Variants in TRHDE observed in about 807,000 individuals in gnomAD.
TRHDE encodes the protein thyrotropin releasing hormone degrading enzyme, also known as thyrotropin-releasing hormone-degrading ectoenzyme.
Under a neutral mutation model 125.7 loss-of-function variants are expected in TRHDE, and 72 were observed. The observed-to-expected ratio is 0.57, with a 90% CI of 0.47 to 0.70. The LOEUF (loss-of-function observed/expected upper bound fraction) is 0.70, where lower values mean the gene tolerates loss of function less well. TRHDE is among the 30% of genes least tolerant of loss of function. The probability of loss-of-function intolerance (pLI) is 0.00; values close to 1 mark genes in which losing one functional copy is unlikely to be tolerated. For synonymous variants in TRHDE, 509 were observed against 509.1 expected, an observed-to-expected ratio of 1.00 and a Z score of 0.00; for missense variants, 1,110 against 1,327.1, an observed-to-expected ratio of 0.84 and a Z score of 2.54.
chr12:72,173,340 C>A (rs937474331), intron 2 of TRHDE, among the ~76,000 whole-genome samples: 2 of 152,144 alleles, frequency 1.3e-5, no homozygotes, highest in African/African-American at 4.8e-5. Flanking sequence ...GAAAGGATTA[C>A]TATTCAGGTG....
chr12:72,188,244 G>A lies in TRHDE; in HGVS notation n.279+82492G>A, dbSNP rs1190787714. The stretch of plus-strand genomic sequence containing the variant: ...GAGATTTAGTAATCAGTAGTTCCAA[G>A]TCTTGAGCAAGATGAAATTCATTAT... On this transcript the variant is annotated intron_variant and non_coding_transcript_variant, in intron 2 of 4. Transcript: ENST00000548156. Among the ~76,000 whole-genome samples the A allele has an allele frequency of 3.9e-5, 6 of 152,212 alleles. No homozygotes were observed. In the South Asian group the frequency reaches 6.2e-4, roughly 16 times the overall value.
At chr12:72,392,380 A>G (rs933510275) in intron 3 of TRHDE, among the ~76,000 whole-genome samples, 2 of 152,146 alleles carry the variant, frequency 1.3e-5, no homozygotes, top group African/African-American at 4.8e-5. Flanking sequence ...TACTTTGATA[A>G]TTTCAGAAGA....
chr12:72,626,154 G>A (rs1873249589), intron 15 of TRHDE, among the ~76,000 whole-genome samples: 1 of 151,870 alleles, frequency 6.6e-6, no homozygotes, highest in Non-Finnish European at 1.5e-5. Flanking sequence ...GGGAATCGCT[G>A]GTGTAGGGAA....
At chr12:72,437,677 G>T (rs950215512) in intron 3 of TRHDE, among the ~76,000 whole-genome samples, 1 of 151,704 alleles carries the variant, frequency 6.6e-6, no homozygotes, top group Non-Finnish European at 1.5e-5. Flanking sequence ...ACATGCAATT[G>T]CATGTATTTA....
intron 6 of TRHDE, among the ~76,000 whole-genome samples, chr12:72,541,518 A>T (rs1461139585): frequency 6.6e-6 from 1 of 151,486 alleles, no homozygotes; most frequent in Non-Finnish European, 1.5e-5. Flanking sequence ...TTACTTGCAT[A>T]TGGATGTATG....
chr12:72,630,575 A>G (rs1384664028), intron 15 of TRHDE, among the ~76,000 whole-genome samples: 1 of 151,848 alleles, frequency 6.6e-6, no homozygotes, highest in Non-Finnish European at 1.5e-5. Context: ...TCTCTGCCTT[A>G]TATTCAAGCC....
chr12:72,390,988 A>T (rs930711774), intron 3 of TRHDE, among the ~76,000 whole-genome samples: 1 of 152,150 alleles, frequency 6.6e-6, no homozygotes, highest in Non-Finnish European at 1.5e-5. Flanking sequence ...TTCAACTTGG[A>T]TGATTATTGA....
chr12:72,626,810 C>G (rs184720842), intron 15 of TRHDE, among the ~76,000 whole-genome samples: 112 of 151,990 alleles, frequency 7.4e-4, no homozygotes, highest in African/African-American at 2.6e-3. Flanking sequence ...ACAAAAGGCT[C>G]TTTTCACTAT....
chr12:72,596,260 T>C (rs1871935122), intron 12 of TRHDE, among the ~76,000 whole-genome samples: 1 of 152,164 alleles, frequency 6.6e-6, no homozygotes, highest in Non-Finnish European at 1.5e-5. Context: ...GCAAACATCT[T>C]TGAATAAATA....
rs138338450 is a variant in TRHDE, at chr12:72,126,206, C to A, written n.279+20454C>A. On this transcript the variant is annotated intron_variant and non_coding_transcript_variant, in intron 2 of 4. Coordinates refer to the TRHDE transcript ENST00000548156. ...ACTACAAAACACTGCTGAAAGAAAT[C>A]ATAAATGACGCAAACGGAAACACAT... is the stretch of plus-strand genomic sequence containing the variant. Among the ~76,000 whole-genome samples the A allele has an allele frequency of 7.2e-4, 110 of 152,190 alleles. 1 individual carries two copies. The East Asian group carries it at 0.017, about 24-fold the overall frequency.
At chr12:72,411,064 G>A (rs1343582327) in intron 3 of TRHDE, among the ~76,000 whole-genome samples, 4 of 151,822 alleles carry the variant, frequency 2.6e-5, no homozygotes, top group Non-Finnish European at 4.4e-5. Flanking sequence ...TTAGCTGGGC[G>A]TGGTGGCAGG....
intron 2 of TRHDE, among the ~76,000 whole-genome samples, chr12:72,185,802 T>C (rs1419662757): frequency 6.6e-6 from 1 of 151,806 alleles, no homozygotes; most frequent in Non-Finnish European, 1.5e-5. Flanking sequence ...ACTCTGTATC[T>C]AGCTCAAGGT....
At chr12:72,210,877 T>C (rs548767083) in intron 2 of TRHDE, among the ~76,000 whole-genome samples, 1 of 152,360 alleles carries the variant, frequency 6.6e-6, no homozygotes, top group African/African-American at 2.4e-5. Context: ...CATAATACTT[T>C]CTGATTCATA....
chr12:72,559,938 A>T (rs528398274), intron 7 of TRHDE, among the ~76,000 whole-genome samples: 3 of 152,228 alleles, frequency 2.0e-5, no homozygotes, highest in African/African-American at 7.2e-5. Context: ...TTTCTTCACC[A>T]TTGTTTCCCC....
intron 3 of TRHDE, among the ~76,000 whole-genome samples, chr12:72,463,580 G>A (rs1333601658): frequency 6.6e-6 from 1 of 152,190 alleles, no homozygotes; most frequent in Non-Finnish European, 1.5e-5. Flanking sequence ...CACTTAGAGT[G>A]TGGAGTGTGA....
upstream of TRHDE, among the ~76,000 whole-genome samples, chr12:72,268,122 G>A (rs960673362): frequency 1.3e-5 from 2 of 151,982 alleles, no homozygotes; most frequent in Non-Finnish European, 2.9e-5. Context: ...GCCACATGGC[G>A]GCACCACTTC....
chr12:72,095,084 G>A (rs561138690), intron 1 of TRHDE, among the ~76,000 whole-genome samples: 63 of 152,318 alleles, frequency 4.1e-4, no homozygotes, highest in African/African-American at 1.3e-3. Context: ...GGACAGACTA[G>A]GAGATGTTTT....
At chr12:72,352,914 CTG>C (rs1415229671) in intron 2 of TRHDE, among the ~76,000 whole-genome samples, 5 of 150,488 alleles carry the variant, frequency 3.3e-5, no homozygotes, top group African/African-American at 4.9e-5. Flanking sequence ...GTACTTGTCT[CTG>C]AGAAAATTTG....
chr12:72,659,661 T>A (rs752287093), intron 18 of TRHDE, among the ~76,000 whole-genome samples: 5 of 152,148 alleles, frequency 3.3e-5, no homozygotes, highest in African/African-American at 4.8e-5. Flanking sequence ...ATCTTTTTAA[T>A]AGAAAAATTA....
Sources: allele counts gnomAD v4.1 joint callset (sites outside exome capture counted in the v4.1 genomes callset), GRCh38; gene constraint gnomAD v4.1.1; transcripts MANE v1.5; gene names NCBI Gene and HGNC (gene_info 2026-07-23, HGNC 2026-07-21).